The following LRP2 variants were observed in gnomAD, a reference collection of about 807,000 sequenced individuals.
LRP2 encodes low-density lipoprotein receptor-related protein 2.
LRP2 carries 172 observed loss-of-function variants against 531.0 expected under a neutral mutation model. That is an observed-to-expected ratio of 0.32 (90% CI 0.29 to 0.37). The LOEUF (loss-of-function observed/expected upper bound fraction) is 0.37. LRP2 is among the 10% of genes least tolerant of loss of function. The pLI is 1.00. For missense variants in LRP2, 5,167 were observed against 5,868.3 expected (o/e 0.88, Z 3.90); for synonymous variants, 1,992 against 2,027.6 (o/e 0.98, Z 0.47).
intron 50 of LRP2, 33 bp from the exon 51 acceptor site, chr2:169,182,352 G>A: frequency 6.2e-7 from 1 of 1,611,020 alleles, no homozygotes; most frequent in South Asian, 1.1e-5. Context: ...AACCAATACA[G>A]TCACTTTGTG....
intron 3 of LRP2, among the ~76,000 whole-genome samples, chr2:169,315,179 C>T (rs1283987730): frequency 2.0e-5 from 3 of 152,196 alleles, no homozygotes; most frequent in African/African-American, 7.2e-5. Context: ...ATTACACAAA[C>T]ATCTGTTGAG....
intron 4 of LRP2, among the ~76,000 whole-genome samples, chr2:169,299,347 C>T (rs910331008): frequency 1.3e-5 from 2 of 151,960 alleles, no homozygotes; most frequent in Non-Finnish European, 2.9e-5. Flanking sequence ...TCCCTTTGTA[C>T]TAACTGGGTC....
At chr2:169,245,272 ACGC>A in intron 21 of LRP2, among the ~76,000 whole-genome samples, 1 of 152,318 alleles carries the variant, frequency 6.6e-6, no homozygotes, top group South Asian at 2.1e-4. Context: ...CCTATGATTC[ACGC>A]TCTGGTTGGA....
At chr2:169,295,987 T>C (rs1684125807) in intron 4 of LRP2, among the ~76,000 whole-genome samples, 2 of 152,104 alleles carry the variant, frequency 1.3e-5, no homozygotes, top group South Asian at 4.1e-4. Flanking sequence ...AGAACCCAAT[T>C]TGAGATTTTA....
chr2:169,257,018 G>A, intron 18 of LRP2, 106 bp downstream of exon 18: 1 of 1,289,366 alleles, frequency 7.8e-7, no homozygotes, highest in Admixed American at 1.7e-5. Flanking sequence ...ATTCCGCGAG[G>A]GCAAGCAGTA....
chr2:169,240,210 A>C (rs953204899), intron 25 of LRP2, among the ~76,000 whole-genome samples: 2 of 152,256 alleles, frequency 1.3e-5, no homozygotes, highest in Non-Finnish European at 2.9e-5. Context: ...AAATCTATGA[A>C]GTGAACAAAT....
chr2:169,257,522 G>A (rs933748366), intron 17 of LRP2, among the ~76,000 whole-genome samples: 5 of 151,944 alleles, frequency 3.3e-5, no homozygotes, highest in Admixed American at 6.6e-5. Context: ...AACTATTGTC[G>A]CCTAACATAT....
intron 3 of LRP2, among the ~76,000 whole-genome samples, chr2:169,315,811 T>A (rs1460474534): frequency 3.3e-5 from 5 of 151,568 alleles, no homozygotes; most frequent in Admixed American, 6.6e-5. Context: ...AAATGAGAGA[T>A]GTTGGCAGTG....
At chr2:169,310,828 T>C (rs1298378773) in intron 3 of LRP2, among the ~76,000 whole-genome samples, 12 of 152,224 alleles carry the variant, frequency 7.9e-5, no homozygotes, top group Admixed American at 7.9e-4. Context: ...ATCAGTCTGG[T>C]CCTGGACTTC....
intron 63 of LRP2, among the ~76,000 whole-genome samples, chr2:169,160,684 A>AAAAAAAAAAAAAAAAAAAAAAAAAAC (rs1459931713): frequency 1.0e-5 from 1 of 98,230 alleles, no homozygotes; most frequent in African/African-American, 4.2e-5. Context: ...TATTTCCTTA[A>AAAAAAAAAAAAAAAAAAAAAAAAAAC]AAAAAAAAAA....
intron 15 of LRP2, chr2:169,271,828 T>A: frequency 4.3e-6 from 1 of 233,118 alleles, no homozygotes; most frequent in Non-Finnish European, 7.0e-6. Flanking sequence ...TATAAAGATA[T>A]AAAGGAGTGA....
chr2:169,192,118 C>T, intron 47 of LRP2, 85 bp from the exon 48 acceptor site: 2 of 1,015,136 alleles, frequency 2.0e-6, no homozygotes, highest in Non-Finnish European at 2.9e-6. Flanking sequence ...ACTTACCATT[C>T]TAAGTATGAA....
At chr2:169,317,939 T>G (rs1684809752) in intron 3 of LRP2, among the ~76,000 whole-genome samples, 2 of 151,998 alleles carry the variant, frequency 1.3e-5, no homozygotes, top group Admixed American at 6.6e-5. Flanking sequence ...TAGCTGGGCA[T>G]GGTGGTGCAC....
In LRP2 at chr2:169,226,263, C is replaced by A. The variant is rs13383183; in HGVS notation, c.5394+159G>T. On this transcript the variant is annotated intron_variant, in intron 32 of 78. Coordinates refer to ENST00000649046, the MANE Select transcript of LRP2 (RefSeq NM_004525.3). The stretch of plus-strand genomic sequence containing the variant: ...TGATTTTTGCTCCAGGCCAAGCTCA[C>A]ATATATACCCCTCATTGAATCAAAA... Among the ~76,000 whole-genome samples the A allele has an allele frequency of 0.17, 25,320 of 152,054 alleles. 3,522 individuals carry two copies. Among genetic ancestry groups the A allele is most frequent in the African/African-American group, 0.38 (15,898 of 41,360 alleles).
At chr2:169,201,940 A>C in intron 43 of LRP2, 70 bp from the exon 44 acceptor site, 1 of 1,580,674 alleles carries the variant, frequency 6.3e-7, no homozygotes, top group South Asian at 1.1e-5. Flanking sequence ...AAAAAGATAC[A>C]ATTAAATAAA....
intron 54 of LRP2, among the ~76,000 whole-genome samples, chr2:169,176,073 A>G (rs1322496544): frequency 2.0e-5 from 3 of 152,358 alleles, no homozygotes; most frequent in African/African-American, 7.2e-5. Flanking sequence ...TGGAAAAGAC[A>G]GTGAAATTCT....
At chr2:169,257,377 C>T in intron 17 of LRP2, 128 bp from the exon 18 acceptor site, 5 of 897,586 alleles carry the variant, frequency 5.6e-6, no homozygotes, top group Non-Finnish European at 5.4e-6. Flanking sequence ...TGCTATTGAA[C>T]TTAACATACT....
At chr2:169,200,505 C>T (rs1338887995) in intron 44 of LRP2, among the ~76,000 whole-genome samples, 1 of 152,096 alleles carries the variant, frequency 6.6e-6, no homozygotes, top group African/African-American at 2.4e-5. Context: ...AAGTTAAGGA[C>T]TCCCATTGGC....
Position 169,207,176 on chromosome 2 carries a change from G to T in LRP2, c.6544C>A (p.Arg2182Ser), listed in dbSNP as rs765135348. The change falls in exon 39 of 79, where the codon CGT becomes AGT. Residue 2182 changes from arginine (R) to serine (S), a missense_variant. This residue lies in a region of LRP2 where 2,811 missense variants were observed against 3,058.0 expected (regional missense o/e 0.92). Transcript: ENST00000649046. The stretch of plus-strand genomic sequence containing the variant: ...TCCACTGTGACTTTAAGAAGAACAC[G>T]GCGGTAAGTAGTATTGATCCGCAGA... ...EVLRINTTYR[R>S]VLLKVTVDMP... 3 of 1,613,760 alleles carry T rather than the reference G, an allele frequency of 1.9e-6. No homozygotes were observed. The highest frequency in any genetic ancestry group is 1.7e-6 in the Non-Finnish European group (2 of 1,179,878).
Sources: allele counts gnomAD v4.1 joint callset (sites outside exome capture counted in the v4.1 genomes callset), GRCh38; gene constraint gnomAD v4.1.1; regional missense constraint gnomAD v4.1.1; transcripts MANE v1.5; gene names NCBI Gene and HGNC (gene_info 2026-07-23, HGNC 2026-07-21).